Variants in CELF2 observed in about 807,000 individuals in gnomAD.
CELF2 encodes the protein CUG triplet repeat RNA-binding protein 2.
In CELF2, 8 loss-of-function variants were observed where a neutral mutation model predicts 62.6. That is an observed-to-expected ratio of 0.13 (90% CI 0.07 to 0.23). The LOEUF (loss-of-function observed/expected upper bound fraction) is 0.23, where lower values mean the gene tolerates loss of function less well. Ranked by LOEUF, CELF2 falls within the 10% of genes least tolerant of loss-of-function variation. CELF2 has a pLI of 1.00. For synonymous variants in CELF2, 258 were observed against 250.0 expected (o/e 1.03, Z -0.30); for missense variants, 333 against 671.0 (o/e 0.50, Z 5.56).
At chr10:10,574,345 G>A in the CELF2 span, among the ~76,000 whole-genome samples, 56,046 of 151,974 alleles carry the variant, frequency 0.37, 10,575 homozygotes, top group East Asian at 0.49. Flanking sequence ...CACACTGAAG[G>A]CATGAAATTC....
At chr10:10,855,721 C>T (rs777426243) in intron 1 of CELF2, among the ~76,000 whole-genome samples, 2 of 152,144 alleles carry the variant, frequency 1.3e-5, no homozygotes, top group Non-Finnish European at 2.9e-5. Context: ...CTATGGAATA[C>T]GAGGATCCTT....
Position 11,315,627 on chromosome 10 carries a change from G to A in CELF2, c.1096+1369G>A, listed in dbSNP as rs1202677718. Among the ~76,000 whole-genome samples the A allele has an allele frequency of 6.6e-6, 1 of 152,218 alleles. No individual in the cohort carries two copies. Among genetic ancestry groups the A allele is most frequent in the Non-Finnish European group, 1.5e-5 (1 of 68,038 alleles). On this transcript the variant is annotated intron_variant, in intron 10 of 12. Coordinates refer to ENST00000633077, the MANE Select transcript of CELF2 (RefSeq NM_001326342.2). This position sits in a 1 kb window ranked among gnomAD's most constrained non-coding sequence, Gnocchi z 5.8. ...GGGGAAAAGCGAAAACGTGGACCGA[G>A]CTTTAGCTGACCATACCTCCCAAAT... is the stretch of plus-strand genomic sequence containing the variant.
the CELF2 span, among the ~76,000 whole-genome samples, chr10:10,736,095 A>G: frequency 6.6e-6 from 1 of 152,186 alleles, no homozygotes; most frequent in South Asian, 2.1e-4. Flanking sequence ...CTAGTTCTGA[A>G]AATTCTCTCA....
the CELF2 span, among the ~76,000 whole-genome samples, chr10:10,630,432 G>A: frequency 6.6e-6 from 1 of 152,158 alleles, no homozygotes; most frequent in Non-Finnish European, 1.5e-5. Flanking sequence ...CTGGATCAGA[G>A]ACCACTGGGA....
At chr10:11,256,711 C>T (rs1434443124) in intron 4 of CELF2, among the ~76,000 whole-genome samples, 6 of 147,878 alleles carry the variant, frequency 4.1e-5, no homozygotes, top group East Asian at 2.0e-4. Flanking sequence ...GGACTCCAAA[C>T]GCTGTCCTGA....
chr10:10,995,885 G>A lies in CELF2; in HGVS notation c.89+75886G>A, dbSNP rs1412530468. Among the ~76,000 whole-genome samples, 1 of 152,086 alleles carries A rather than the reference G, an allele frequency of 6.6e-6. No homozygotes were observed. Among genetic ancestry groups the A allele is most frequent in the East Asian group, 1.9e-4 (1 of 5,198 alleles). On this transcript the variant is annotated intron_variant, in intron 2 of 13. Coordinates refer to the CELF2 transcript ENST00000636488. The surrounding 1 kb of genome is among the most constrained non-coding windows in gnomAD (Gnocchi z 4.7). Reference sequence around the variant, plus strand: ...GGCATTCTAGTTTCTATATATTTATGTTCATCAAATTATGCATTGGTTCTG... The same window carrying A: ...GGCATTCTAGTTTCTATATATTTATATTCATCAAATTATGCATTGGTTCTG...
intron 1 of CELF2, among the ~76,000 whole-genome samples, chr10:11,076,423 T>C (rs1564631904): frequency 6.6e-6 from 1 of 152,150 alleles, no homozygotes; most frequent in South Asian, 2.1e-4. Flanking sequence ...AAGAGCTAGG[T>C]AAATGTGGCC....
the CELF2 span, among the ~76,000 whole-genome samples, chr10:10,727,013 A>G: frequency 6.6e-6 from 1 of 152,128 alleles, no homozygotes; most frequent in Non-Finnish European, 1.5e-5. Context: ...GGCAGCACAC[A>G]CTTTTCAACA....
At chr10:10,924,156 C>T (rs1372440120) in intron 2 of CELF2, 1 of 151,496 alleles carries the variant, frequency 6.6e-6, no homozygotes, top group African/African-American at 2.4e-5. Context: ...GTGGCGGGCG[C>T]CTGTAGTCCC....
chr10:10,628,421 G>T, the CELF2 span, among the ~76,000 whole-genome samples: 1 of 152,110 alleles, frequency 6.6e-6, no homozygotes, highest in African/African-American at 2.4e-5. Flanking sequence ...GATCCTTCCT[G>T]TGTATGTGTT....
chr10:10,936,139 G>A lies in CELF2; in HGVS notation c.89+16140G>A, dbSNP rs1018413032. On this transcript the variant is annotated intron_variant, in intron 2 of 13. Coordinates refer to the CELF2 transcript ENST00000636488. This position sits in a 1 kb window ranked among gnomAD's most constrained non-coding sequence, Gnocchi z 4.0. The stretch of plus-strand genomic sequence containing the variant: ...ATTGCACCACTGCACTCCAGCCTAG[G>A]TGACAGAGTGAGACTCCATCTCACA... Among the ~76,000 whole-genome samples the A allele has an allele frequency of 1.3e-5, 2 of 152,006 alleles. No individual in the cohort carries two copies. Among genetic ancestry groups the A allele is most frequent in the African/African-American group, 4.8e-5 (2 of 41,350 alleles).
intron 1 of CELF2, among the ~76,000 whole-genome samples, chr10:11,083,199 T>G (rs1291802): frequency 0.33 from 50,433 of 152,012 alleles, 9,179 homozygotes; most frequent in African/African-American, 0.45. Context: ...TGACACCTCT[T>G]TTGGGAAAAT....
Position 11,309,139 on chromosome 10 carries a change from C to G in CELF2, c.977-5000C>G. Reference sequence around the variant, plus strand: ...ATCTGGGCCCTCTTACGCACAGTTTCTGTTGTCTGCTGTCTGCTTTTTCCT... The same window carrying G: ...ATCTGGGCCCTCTTACGCACAGTTTGTGTTGTCTGCTGTCTGCTTTTTCCT... On this transcript the variant is annotated intron_variant, in intron 9 of 12. Transcript: ENST00000633077. This position sits in a 1 kb window ranked among gnomAD's most constrained non-coding sequence, Gnocchi z 5.6. Among the ~76,000 whole-genome samples, 1 of 152,164 alleles carries G rather than the reference C, an allele frequency of 6.6e-6. No homozygotes were observed. Among genetic ancestry groups the G allele is most frequent in the East Asian group, 1.9e-4 (1 of 5,200 alleles).
intron 1 of CELF2, among the ~76,000 whole-genome samples, chr10:11,155,812 A>C (rs1436715153): frequency 6.6e-6 from 1 of 152,192 alleles, no homozygotes; most frequent in Non-Finnish European, 1.5e-5. Flanking sequence ...GTGCGTTCAC[A>C]TCCAACCTCA....
chr10:11,095,806 T>C (rs1023373057), intron 1 of CELF2, among the ~76,000 whole-genome samples: 8 of 150,780 alleles, frequency 5.3e-5, no homozygotes, highest in African/African-American at 2.0e-4. Context: ...TCACAAATTA[T>C]GAGGCCAACA....
chr10:11,111,450 A>G (rs746599386), intron 1 of CELF2, among the ~76,000 whole-genome samples: 1 of 152,220 alleles, frequency 6.6e-6, no homozygotes, highest in African/African-American at 2.4e-5. Flanking sequence ...TCTGCATTCA[A>G]TAAAATGTGT....
At chr10:10,748,940 G>A in the CELF2 span, among the ~76,000 whole-genome samples, 1 of 152,056 alleles carries the variant, frequency 6.6e-6, no homozygotes. Context: ...TGTGTTTGGT[G>A]AGTGAGATGA....
At chr10:10,604,444 T>C in the CELF2 span, among the ~76,000 whole-genome samples, 7 of 152,342 alleles carry the variant, frequency 4.6e-5, no homozygotes, top group Non-Finnish European at 8.8e-5. Context: ...TCTCTAAGTT[T>C]CCTCATGGTA....
the CELF2 span, among the ~76,000 whole-genome samples, chr10:10,604,943 A>G: frequency 1.4e-3 from 215 of 152,320 alleles, 1 homozygote; most frequent in Middle Eastern, 0.02. Context: ...AGGAACGTGA[A>G]TCATTCTATT....
Sources: gnomAD v4.1 joint callset for allele counts (sites outside exome capture counted in the v4.1 genomes callset) on GRCh38, gnomAD v4.1.1 for gene constraint, Gnocchi (gnomAD v3.1) non-coding constraint, MANE v1.5 for transcripts, NCBI Gene and HGNC (gene_info 2026-07-23, HGNC 2026-07-21) for gene names.